Variants in KCNIP1 observed in about 807,000 individuals in gnomAD.
KCNIP1 encodes potassium voltage-gated channel interacting protein 1.
KCNIP1 carries 18 observed loss-of-function variants against 33.0 expected under a neutral mutation model. The observed-to-expected ratio is 0.55, with a 90% CI of 0.38 to 0.81. KCNIP1 has a LOEUF of 0.81. KCNIP1 is among the 30% of genes least tolerant of loss of function. The probability of loss-of-function intolerance (pLI) is 0.00; values close to 1 mark genes in which losing one functional copy is unlikely to be tolerated. For synonymous variants in KCNIP1, 93 were observed against 98.3 expected (o/e 0.95, Z 0.32); for missense variants, 238 against 271.6 (o/e 0.88, Z 0.87).
intron 3 of KCNIP1, 87 bp downstream of exon 3, chr5:170,720,477 T>A: frequency 9.4e-7 from 1 of 1,063,914 alleles, no homozygotes; most frequent in East Asian, 2.4e-5. Context: ...TCCTTGCCAT[T>A]TGCTTCCTTC....
intron 5 of KCNIP1, among the ~76,000 whole-genome samples, chr5:170,728,080 T>C (rs1764069380): frequency 6.6e-6 from 1 of 152,252 alleles, no homozygotes; most frequent in Non-Finnish European, 1.5e-5. Context: ...AACCATTTGA[T>C]GCTAAAATCA....
chr5:170,725,395 T>A (rs906906350), intron 5 of KCNIP1, among the ~76,000 whole-genome samples: 9 of 152,172 alleles, frequency 5.9e-5, no homozygotes, highest in African/African-American at 1.9e-4. Context: ...TGGAGGTCAT[T>A]ACATTAAGTG....
At chr5:170,476,642 G>A (rs1006288826) in intron 1 of KCNIP1, among the ~76,000 whole-genome samples, 2 of 152,106 alleles carry the variant, frequency 1.3e-5, no homozygotes, top group African/African-American at 4.8e-5. Context: ...GCTATGACCC[G>A]CTGAAATGGC....
At chr5:170,356,777 G>A (rs1472360887) in intron 1 of KCNIP1, among the ~76,000 whole-genome samples, 2 of 152,176 alleles carry the variant, frequency 1.3e-5, no homozygotes, top group Non-Finnish European at 2.9e-5. Flanking sequence ...CAACGGCACC[G>A]CACGGCACAG....
chr5:170,422,607 T>A (rs908049601), intron 1 of KCNIP1: 1 of 152,202 alleles, frequency 6.6e-6, no homozygotes, highest in Non-Finnish European at 1.5e-5. Context: ...GCCCCGTTAA[T>A]AGGCAAAAAT....
rs367785423 is a variant in KCNIP1, at chr5:170,638,064, T to C, written c.62-80694T>C. Among the ~76,000 whole-genome samples, 274 of 151,742 alleles carry C rather than the reference T, an allele frequency of 1.8e-3. 3 individuals carry two copies. Among genetic ancestry groups the C allele is most frequent in the South Asian group, 0.015 (71 of 4,766 alleles). ...TGGGGGGTGGGGATGTTCCAAGATCTCCAAGGCCTGGATTTTAAGCAAGGT... is the reference window on the plus strand; with the variant it reads ...TGGGGGGTGGGGATGTTCCAAGATCCCCAAGGCCTGGATTTTAAGCAAGGT... On this transcript the variant is annotated intron_variant, in intron 1 of 7. Coordinates refer to ENST00000328939, the MANE Select transcript of KCNIP1 (RefSeq NM_014592.4).
chr5:170,378,861 C>G, intron 1 of KCNIP1: 1 of 1,614,244 alleles, frequency 6.2e-7, no homozygotes, highest in Non-Finnish European at 8.5e-7. Context: ...TTCGTTCCCC[C>G]GAGGTGCGGA....
intron 1 of KCNIP1, among the ~76,000 whole-genome samples, chr5:170,554,080 T>C (rs1756755113): frequency 6.6e-6 from 1 of 152,184 alleles, no homozygotes; most frequent in South Asian, 2.1e-4. Context: ...TGGCCCTGTA[T>C]GGCCAGCTCT....
chr5:170,378,750 A>G (rs769731663), intron 1 of KCNIP1: 128 of 1,613,984 alleles, frequency 7.9e-5, no homozygotes, highest in Non-Finnish European at 1.0e-4. Context: ...GCTCTTCACC[A>G]TGGCGATAAT....
intron 1 of KCNIP1, among the ~76,000 whole-genome samples, chr5:170,405,831 C>G (rs1755025642): frequency 6.6e-6 from 1 of 152,188 alleles, no homozygotes; most frequent in Non-Finnish European, 1.5e-5. Flanking sequence ...CCATCCCAGG[C>G]TGGCTCTCAC....
chr5:170,532,035 C>T (rs1456071984), intron 1 of KCNIP1, among the ~76,000 whole-genome samples: 9 of 152,240 alleles, frequency 5.9e-5, no homozygotes, highest in East Asian at 5.8e-4. Context: ...CTTATCCATC[C>T]GGCCAACTCC....
At chr5:170,667,487 C>G (rs564456877) in intron 1 of KCNIP1, among the ~76,000 whole-genome samples, 1 of 152,328 alleles carries the variant, frequency 6.6e-6, no homozygotes, top group South Asian at 2.1e-4. Flanking sequence ...GAAATTCATC[C>G]GGTCCTTCTT....
intron 1 of KCNIP1, among the ~76,000 whole-genome samples, chr5:170,595,296 T>G (rs1479444888): frequency 6.6e-6 from 1 of 152,238 alleles, no homozygotes; most frequent in African/African-American, 2.4e-5. Context: ...TCCATTAGGA[T>G]GACGGCTCCT....
At chr5:170,604,461 A>G (rs1758819991) in intron 1 of KCNIP1, among the ~76,000 whole-genome samples, 2 of 152,176 alleles carry the variant, frequency 1.3e-5, no homozygotes, top group South Asian at 4.1e-4. Flanking sequence ...GAGGCTGAGC[A>G]GAACATTTAG....
At chr5:170,576,503 G>C (rs1757609150) in intron 1 of KCNIP1, among the ~76,000 whole-genome samples, 1 of 152,102 alleles carries the variant, frequency 6.6e-6, no homozygotes, top group Non-Finnish European at 1.5e-5. Flanking sequence ...AGAGCATGTG[G>C]GATGGAAGAT....
At chr5:170,639,121 A>C (rs573298032) in intron 1 of KCNIP1, 68 of 152,338 alleles carry the variant, frequency 4.5e-4, no homozygotes, top group Non-Finnish European at 1.3e-4. Context: ...ACAGCTGCTG[A>C]TGATGATTAG....
intron 1 of KCNIP1, among the ~76,000 whole-genome samples, chr5:170,586,254 G>C (rs1162726280): frequency 1.3e-5 from 2 of 152,162 alleles, no homozygotes; most frequent in African/African-American, 4.8e-5. Flanking sequence ...TGCATGACTG[G>C]CCTCTGCAAT....
chr5:170,403,511 A>G (rs1370402135), intron 1 of KCNIP1, among the ~76,000 whole-genome samples: 2 of 152,234 alleles, frequency 1.3e-5, no homozygotes, highest in Admixed American at 6.5e-5. Flanking sequence ...GGTCCCCATC[A>G]GCCATGGAAA....
intron 1 of KCNIP1, among the ~76,000 whole-genome samples, chr5:170,527,230 T>G (rs190469859): frequency 6.8e-4 from 104 of 152,186 alleles, no homozygotes; most frequent in East Asian, 2.1e-3. Context: ...GCTTCCAGGG[T>G]CTGACACATG....
Sources: gnomAD v4.1 joint callset for allele counts (sites outside exome capture counted in the v4.1 genomes callset) on GRCh38, gnomAD v4.1.1 for gene constraint, MANE v1.5 for transcripts, NCBI Gene and HGNC (gene_info 2026-07-23, HGNC 2026-07-21) for gene names.